The following AP1B1 variants were observed in gnomAD, a reference collection of about 807,000 sequenced individuals.
AP1B1 encodes the protein adaptor related protein complex 1 subunit beta 1, also known as AP-1 complex subunit beta-1.
Under a neutral mutation model 104.3 loss-of-function variants are expected in AP1B1, and 36 were observed. The observed-to-expected ratio is 0.35, with a 90% confidence interval of 0.26 to 0.46. The LOEUF is 0.46. Ranked by LOEUF, AP1B1 falls within the 20% of genes least tolerant of loss-of-function variation. AP1B1 has a pLI of 1.00. For synonymous variants in AP1B1, 504 were observed against 517.5 expected (o/e 0.97, Z 0.35); for missense variants, 901 against 1,247.9 (o/e 0.72, Z 4.19).
At chr22:29,340,930 C>CAGAG (rs2061705433) in intron 13 of AP1B1, 73 bp from the exon 14 acceptor site, 7 of 1,453,742 alleles carry the variant, frequency 4.8e-6, no homozygotes, top group Non-Finnish European at 6.5e-6. Flanking sequence ...AGCCTCCAGG[C>CAGAG]AGAGCTGTCC....
chr22:29,376,791 C>A (rs2062349760), intron 1 of AP1B1, among the ~76,000 whole-genome samples: 2 of 152,174 alleles, frequency 1.3e-5, no homozygotes, highest in Admixed American at 6.5e-5. Flanking sequence ...GACAAGTATT[C>A]CTCTACTCTG....
In AP1B1 at chr22:29,356,492, C is replaced by T; in HGVS notation, c.650G>A (p.Trp217Ter). The change falls in exon 6 of 23, where the codon TGG becomes TAG. Residue 217 changes from tryptophan (W) to a stop codon, truncating the protein, a stop_gained. Transcript: ENST00000357586. LOFTEE classifies it high-confidence loss of function. ...LLTALNECTE[W>*]GQIFILDCLA... ...GCAGTCCAGGATGAAGATCTGGCCC[C>T]ACTCGGTGCACTCATTGAGGGCTGT... 1.2e-6 allele frequency: 2 copies of T among 1,614,198 alleles called. No individual in the cohort carries two copies. Among genetic ancestry groups the T allele is most frequent in the Non-Finnish European group, 1.7e-6 (2 of 1,180,034 alleles).
chr22:29,374,924 G>T (rs1310457948), intron 1 of AP1B1, among the ~76,000 whole-genome samples: 1 of 152,246 alleles, frequency 6.6e-6, no homozygotes, highest in Non-Finnish European at 1.5e-5. Context: ...TCAGGAGGCT[G>T]AGTGGTGAGG....
rs955765325 is a variant in AP1B1 at position 29,359,073 on chromosome 22, C to T, written c.280-102G>A. 17 of 1,176,620 alleles carry T rather than the reference C, an allele frequency of 1.4e-5. No homozygotes were observed. In the Admixed American group the frequency reaches 3.8e-4, roughly 26 times the overall value. The allele number at this position is 1,176,620 out of a possible 1,614,324, so 72.9% of individuals were successfully genotyped here. ...CTCTGAGCCCTGCTAGGCTGAGCGA[C>T]ATCAGATGGCTGCTGTGGATCTTCA... On this transcript the variant is annotated intron_variant, in intron 4 of 22. Coordinates refer to ENST00000357586, the MANE Select transcript of AP1B1 (RefSeq NM_001127.4).
rs770107686 is a variant in AP1B1, at chr22:29,342,290, T to C, written c.1531A>G (p.Thr511Ala). The change falls in exon 12 of 23, where the codon ACT becomes GCT. Residue 511 changes from threonine to alanine, a missense_variant. This residue lies in a region of AP1B1 where 471 missense variants were observed against 696.7 expected (regional missense o/e 0.68). Coordinates refer to ENST00000357586, the MANE Select transcript of AP1B1 (RefSeq NM_001127.4). ...ELVQQVLSLA[T>A]QDSDNPDLRD... ...GGGGAGGTTGGGGCACCCACCTGAG[T>C]GGCCAAACTGAGGACCTGCTGCACC... The C allele has an allele frequency of 8.1e-6, 13 of 1,613,558 alleles. No homozygotes were observed. Among genetic ancestry groups the C allele is most frequent in the Non-Finnish European group, 1.1e-5 (13 of 1,179,808 alleles).
chr22:29,382,455 G>A (rs1031921832), intron 1 of AP1B1, among the ~76,000 whole-genome samples: 3 of 152,176 alleles, frequency 2.0e-5, no homozygotes, highest in African/African-American at 7.2e-5. Context: ...TACATGTTGG[G>A]AATGCAGGAG....
chr22:29,367,883 T>A (rs936080931), intron 1 of AP1B1, among the ~76,000 whole-genome samples: 1 of 152,196 alleles, frequency 6.6e-6, no homozygotes, highest in African/African-American at 2.4e-5. Flanking sequence ...CATGCCTGAT[T>A]CATCTCTGGA....
intron 22 of AP1B1, chr22:29,329,148 AGT>A (rs1343534383): frequency 5.3e-6 from 7 of 1,311,332 alleles, no homozygotes; most frequent in Non-Finnish European, 6.8e-6. Flanking sequence ...GCTGGCGAGC[AGT>A]GTGAGTCACG....
At chr22:29,359,801 A>C (rs2062015615) in intron 4 of AP1B1, 23 bp downstream of exon 4, 4 of 1,606,086 alleles carry the variant, frequency 2.5e-6, no homozygotes, top group South Asian at 1.1e-5. Context: ...CAATGTCCCC[A>C]CGCCCACCAA....
At chr22:29,348,232 G>A (rs1393273034) in intron 11 of AP1B1, among the ~76,000 whole-genome samples, 1 of 152,226 alleles carries the variant, frequency 6.6e-6, no homozygotes, top group Non-Finnish European at 1.5e-5. Flanking sequence ...GCAGAACCGT[G>A]AAAGCTTTCA....
chr22:29,387,128 C>G (rs2062537576), intron 1 of AP1B1, among the ~76,000 whole-genome samples: 1 of 152,162 alleles, frequency 6.6e-6, no homozygotes, highest in Non-Finnish European at 1.5e-5. Flanking sequence ...TCTCACTGTT[C>G]CCTAAAGTCA....
At chr22:29,385,238 T>A (rs1253275429) in intron 1 of AP1B1, among the ~76,000 whole-genome samples, 5 of 152,030 alleles carry the variant, frequency 3.3e-5, no homozygotes, top group Admixed American at 6.6e-5. Flanking sequence ...TAAAAACAAT[T>A]TGCCAGGCAC....
chr22:29,371,182 T>C (rs1010005635), intron 1 of AP1B1, among the ~76,000 whole-genome samples: 6 of 152,234 alleles, frequency 3.9e-5, no homozygotes, highest in African/African-American at 1.4e-4. Context: ...GAGCACCTAA[T>C]GCTGGTACCT....
chr22:29,344,110 C>CAAAAAAAAAA (rs58337637), intron 11 of AP1B1, among the ~76,000 whole-genome samples: 2,382 of 89,182 alleles, frequency 0.027, 71 homozygotes, highest in African/African-American at 0.093. Context: ...GACTTTGTCT[C>CAAAAAAAAAA]AAAAAAAAAA....
intron 1 of AP1B1, among the ~76,000 whole-genome samples, chr22:29,378,552 CAAA>C (rs145933767): frequency 0.083 from 3,978 of 47,950 alleles, 34 homozygotes; most frequent in Non-Finnish European, 0.11. Context: ...AACTCCGTAT[CAAA>C]AAAAAAAAAA....
chr22:29,339,109 G>A lies in AP1B1; in HGVS notation c.2044C>T (p.Pro682Ser), dbSNP rs2061677489. 6.2e-7 allele frequency: 1 copy of A among 1,614,100 alleles called. No individual in the cohort carries two copies. Residue 682 changes from proline to serine, a missense_variant, in exon 16 of 23, where the codon CCT becomes TCT. Coordinates refer to ENST00000357586, the MANE Select transcript of AP1B1 (RefSeq NM_001127.4). The part of the protein sequence containing the change: ...EGIGGTNFVA[P>S]PTAAVPANLG... ...TTGGCTGGTACTGCTGCTGTTGGAG[G>A]TGCCACGAAGTTGGTGCCCCCAATC...
intron 4 of AP1B1, 97 bp downstream of exon 4, chr22:29,359,727 A>C (rs1183801056): frequency 2.3e-5 from 34 of 1,493,710 alleles, no homozygotes; most frequent in Non-Finnish European, 2.9e-5. Context: ...GAAGGTCTGG[A>C]CTCCATCCAG....
In AP1B1 at chr22:29,342,285, C is replaced by A; in HGVS notation, c.1536G>T (p.Gln512His). ...ACAGCGGGGAGGTTGGGGCACCCACCTGAGTGGCCAAACTGAGGACCTGCT... is the reference window on the plus strand; with the variant it reads ...ACAGCGGGGAGGTTGGGGCACCCACATGAGTGGCCAAACTGAGGACCTGCT... ...LVQQVLSLAT[Q>H]DSDNPDLRDR... is the part of the protein sequence containing the mutation. Residue 512 changes from glutamine (Q) to histidine (H), a missense_variant and splice_region_variant, in exon 12 of 23, where the codon CAG (glutamine) becomes CAT (histidine). Gln to His is a conservative substitution (Grantham distance 24, BLOSUM62 0). Coordinates refer to ENST00000357586, the MANE Select transcript of AP1B1 (RefSeq NM_001127.4). 1 of 1,613,550 alleles carries A rather than the reference C, an allele frequency of 6.2e-7. No individual in the cohort carries two copies. The highest frequency in any genetic ancestry group is 8.5e-7 in the Non-Finnish European group (1 of 1,179,720).
chr22:29,341,387 T>A, intron 13 of AP1B1, 114 bp downstream of exon 13: 1 of 1,362,790 alleles, frequency 7.3e-7, no homozygotes, highest in South Asian at 1.4e-5. Flanking sequence ...AGGTTGTCAG[T>A]TTTCCTCAGA....
Sources: allele counts gnomAD v4.1 joint callset (sites outside exome capture counted in the v4.1 genomes callset), GRCh38; gene constraint gnomAD v4.1.1; regional missense constraint gnomAD v4.1.1; transcripts MANE v1.5; gene names NCBI Gene and HGNC (gene_info 2026-07-23, HGNC 2026-07-21).